The following SLC25A43 variants were observed in gnomAD, a reference collection of about 807,000 sequenced individuals.
The protein encoded by SLC25A43 is solute carrier family 25, member 43.
SLC25A43 carries 10 observed loss-of-function variants against 22.8 expected under a neutral mutation model. The observed-to-expected ratio is 0.44, with a 90% confidence interval of 0.27 to 0.74. SLC25A43 has a LOEUF of 0.74. SLC25A43 is among the 30% of genes least tolerant of loss of function. The pLI, the probability that SLC25A43 is intolerant of heterozygous loss-of-function variation, is 0.17. For missense variants in SLC25A43, 233 were observed against 279.1 expected (o/e 0.83, Z 1.18); for synonymous variants, 106 against 121.6 (o/e 0.87, Z 0.84).
At chrX:119,425,797 A>C in intron 3 of SLC25A43, among the ~76,000 whole-genome samples, 1 of 110,397 alleles carries the variant, frequency 9.1e-6, no homozygotes, top group Non-Finnish European at 1.9e-5. Context: ...TAGGGATGGC[A>C]GCTGTTGAGC....
At chrX:119,429,296 T>C (rs1011014139) in intron 3 of SLC25A43, among the ~76,000 whole-genome samples, 4 of 111,240 alleles carry the variant, frequency 3.6e-5, no homozygotes, top group Non-Finnish European at 7.5e-5. Context: ...ATGATCCGCC[T>C]GCCTCGGCCT....
intron 2 of SLC25A43, among the ~76,000 whole-genome samples, chrX:119,407,582 GT>G (rs2052309558): frequency 9.0e-6 from 1 of 111,063 alleles, no homozygotes; most frequent in African/African-American, 3.3e-5. Context: ...ACTTGCCCAA[GT>G]CCACATAGAT....
chrX:119,423,548 G>GAAAAGA (rs142640944), intron 3 of SLC25A43: 1 of 100,902 alleles, frequency 9.9e-6, no homozygotes, highest in Non-Finnish European at 1.9e-5. Flanking sequence ...AAAAAGAAAA[G>GAAAAGA]AAAGAAAAGG....
At chrX:119,428,058 G>T (rs936513342) in intron 3 of SLC25A43, among the ~76,000 whole-genome samples, 3 of 112,108 alleles carry the variant, frequency 2.7e-5, no homozygotes, top group Non-Finnish European at 5.6e-5. Context: ...TCCAAAGATG[G>T]TCTATGCAAA....
intron 3 of SLC25A43, among the ~76,000 whole-genome samples, chrX:119,441,320 G>A (rs1274349464): frequency 1.2e-5 from 1 of 82,442 alleles, no homozygotes; most frequent in African/African-American, 4.6e-5. Flanking sequence ...GCCTCGCCCT[G>A]CTTCGGCTCG....
chrX:119,423,152 C>T (rs2052469509), intron 3 of SLC25A43: 1 of 111,640 alleles, frequency 9.0e-6, no homozygotes, highest in Admixed American at 9.6e-5. Flanking sequence ...GATGCAGAAC[C>T]CACAGAAACA....
intron 1 of SLC25A43, among the ~76,000 whole-genome samples, chrX:119,401,359 A>T (rs767198737): frequency 8.9e-6 from 1 of 111,916 alleles, no homozygotes; most frequent in South Asian, 3.8e-4. Context: ...GTGCCCCAGG[A>T]GCTTACAGAG....
chrX:119,399,587 G>A lies in SLC25A43; in HGVS notation c.184G>A (p.Ala62Thr), dbSNP rs973691383. ...PWATGHRVWRAEGLRALWKGN... is the reference protein window; with the variant it reads ...PWATGHRVWRTEGLRALWKGN... The stretch of plus-strand genomic sequence containing the variant: ...GGCCACAGGGCACCGGGTGTGGCGG[G>A]CAGAGGGGCTCCGGGCCCTGTGGAA... The change falls in exon 1 of 5, where the codon GCA (alanine) becomes ACA (threonine). Residue 62 changes from alanine to threonine, a missense_variant. Coordinates refer to ENST00000217909, the MANE Select transcript of SLC25A43 (RefSeq NM_145305.3). The A allele has an allele frequency of 1.5e-4, 155 of 1,042,439 alleles. No homozygotes were observed. Among genetic ancestry groups the A allele is most frequent in the Middle Eastern group, 7.0e-4 (2 of 2,846 alleles). 85.9% of individuals were successfully genotyped at this position (1,042,439 alleles called of 1,213,427 possible). A position where few individuals can be genotyped will look rare whatever the true frequency, so the allele number is the denominator to read the frequency against.
chrX:119,402,015 A>G (rs1299302943), intron 1 of SLC25A43, among the ~76,000 whole-genome samples: 1 of 111,720 alleles, frequency 9.0e-6, no homozygotes, highest in Admixed American at 9.5e-5. Flanking sequence ...AAAAGGAAGT[A>G]TTTTGGTGAA....
intron 3 of SLC25A43, chrX:119,434,939 A>G (rs1318737604): frequency 9.0e-6 from 1 of 110,617 alleles, no homozygotes; most frequent in Admixed American, 9.7e-5. Context: ...CCTGGGTTCA[A>G]GCCATTCTCG....
At chrX:119,424,130 G>A (rs867388715) in intron 3 of SLC25A43, among the ~76,000 whole-genome samples, 2 of 107,140 alleles carry the variant, frequency 1.9e-5, no homozygotes, top group Admixed American at 1.0e-4. Flanking sequence ...GGAGAATGCC[G>A]CGAACCTGGG....
Position 119,453,054 on chromosome X carries a change from C to A in SLC25A43, c.1015C>A (p.Pro339Thr). The stretch of plus-strand genomic sequence containing the variant: ...AACGAGAAAACCGAAGCCTAAAAAA[C>A]CAACTCTATAAAATGGAATGGAACT... Reference protein sequence around the residue: ...FKTRKPKPKKPTL With the variant: ...FKTRKPKPKKTTL Residue 339 changes from proline to threonine, a missense_variant, in exon 5 of 5, where the codon CCA becomes ACA. By Grantham distance (38) the Pro-to-Thr change is conservative. Coordinates refer to ENST00000217909, the MANE Select transcript of SLC25A43 (RefSeq NM_145305.3). 4 of 1,202,701 alleles carry A rather than the reference C, an allele frequency of 3.3e-6. No individual in the cohort carries two copies. The highest frequency in any genetic ancestry group is 4.5e-6 in the Non-Finnish European group (4 of 887,667).
intron 3 of SLC25A43, among the ~76,000 whole-genome samples, chrX:119,435,500 G>T: frequency 1.5e-5 from 1 of 66,931 alleles, no homozygotes; most frequent in Non-Finnish European, 2.7e-5. Flanking sequence ...CTAAGTTTTA[G>T]GGTACATGTG....
intron 3 of SLC25A43, among the ~76,000 whole-genome samples, chrX:119,421,357 A>G (rs1360715894): frequency 8.9e-6 from 1 of 111,811 alleles, no homozygotes; most frequent in Non-Finnish European, 1.9e-5. Context: ...CCAGATTTTT[A>G]TGTAAAATCT....
intron 3 of SLC25A43, among the ~76,000 whole-genome samples, chrX:119,418,381 C>A (rs923970692): frequency 8.9e-6 from 1 of 111,854 alleles, no homozygotes; most frequent in Non-Finnish European, 1.9e-5. Flanking sequence ...CATTTGCATT[C>A]CATTGGCTTT....
chrX:119,406,748 G>A, intron 2 of SLC25A43, 47 bp downstream of exon 2: 1 of 1,178,569 alleles, frequency 8.5e-7, no homozygotes. Context: ...TATGTTCTCT[G>A]AAATTACAAA....
intron 3 of SLC25A43, among the ~76,000 whole-genome samples, chrX:119,417,791 A>G (rs1345327286): frequency 9.0e-6 from 1 of 111,215 alleles, no homozygotes; most frequent in African/African-American, 3.3e-5. Flanking sequence ...AAAAAAATCC[A>G]AAGAGGTAAT....
At chrX:119,432,968 G>A (rs773530903) in intron 3 of SLC25A43, among the ~76,000 whole-genome samples, 18 of 108,731 alleles carry the variant, frequency 1.7e-4, no homozygotes, top group Non-Finnish European at 2.3e-4. Flanking sequence ...AAAAATAGCC[G>A]GTTGTCTGTA....
intron 3 of SLC25A43, among the ~76,000 whole-genome samples, chrX:119,424,750 C>T (rs1342867362): frequency 4.4e-5 from 5 of 113,111 alleles, no homozygotes; most frequent in African/African-American, 1.6e-4. Context: ...TATTTCTCAC[C>T]GTTCTGGAGA....
Sources: allele counts gnomAD v4.1 joint callset (sites outside exome capture counted in the v4.1 genomes callset), GRCh38; gene constraint gnomAD v4.1.1; transcripts MANE v1.5; gene names NCBI Gene and HGNC (gene_info 2026-07-23, HGNC 2026-07-21).